Variants in THSD7A observed in about 807,000 individuals in gnomAD.
The protein encoded by THSD7A is thrombospondin type 1 domain containing 7A, also known as thrombospondin type-1 domain-containing protein 7A.
THSD7A carries 96 observed loss-of-function variants against 231.3 expected under a neutral mutation model. The ratio of observed to expected loss-of-function variants is 0.41; its 90% CI spans 0.35 to 0.49. The LOEUF (loss-of-function observed/expected upper bound fraction) is 0.49, where lower values mean the gene tolerates loss of function less well. THSD7A is among the 20% of genes least tolerant of loss of function. THSD7A has a pLI of 0.05. For missense variants in THSD7A, 2,290 were observed against 2,070.2 expected (o/e 1.11, Z -2.06); for synonymous variants, 940 against 743.3 (o/e 1.26, Z -4.30).
chr7:11,413,246 A>C (rs866883570), intron 17 of THSD7A, among the ~76,000 whole-genome samples: 1 of 152,112 alleles, frequency 6.6e-6, no homozygotes, highest in Non-Finnish European at 1.5e-5. Context: ...ACATGCATAT[A>C]AACAATTCTA....
At chr7:11,610,997 CTATT>C (rs1780903414) in intron 2 of THSD7A, among the ~76,000 whole-genome samples, 1 of 152,110 alleles carries the variant, frequency 6.6e-6, no homozygotes, top group African/African-American at 2.4e-5. Flanking sequence ...GCCAGATTCT[CTATT>C]TAAATGCCTG....
intron 6 of THSD7A, among the ~76,000 whole-genome samples, chr7:11,520,864 A>G (rs753728470): frequency 1.3e-5 from 2 of 152,208 alleles, no homozygotes; most frequent in African/African-American, 4.8e-5. Flanking sequence ...GAGAAAAAGT[A>G]AGTTTGATGA....
chr7:11,778,216 T>A (rs917175803), intron 1 of THSD7A, among the ~76,000 whole-genome samples: 6 of 149,866 alleles, frequency 4.0e-5, no homozygotes, highest in African/African-American at 1.2e-4. Context: ...ATGAACAGAT[T>A]TGGGGTGTCA....
Position 11,636,103 on chromosome 7 carries a change from T to A in THSD7A, c.1022+27A>T. On this transcript the variant is annotated intron_variant, in intron 2 of 27. Transcript: ENST00000423059. The surrounding 1 kb of genome is among the most constrained non-coding windows in gnomAD (Gnocchi z 10.0). ...TCATGATTCTTGACAGACAAGCCTG[T>A]GTAGTTAACAGTAATTAAAATGTTA... is the stretch of plus-strand genomic sequence containing the variant. 6.3e-7 allele frequency: 1 copy of A among 1,574,844 alleles called. No individual in the cohort carries two copies. The highest frequency in any genetic ancestry group is 8.7e-7 in the Non-Finnish European group (1 of 1,155,100).
chr7:11,687,803 A>G (rs1780104421), intron 1 of THSD7A, among the ~76,000 whole-genome samples: 1 of 151,786 alleles, frequency 6.6e-6, no homozygotes, highest in Non-Finnish European at 1.5e-5. Context: ...AACTAGAACC[A>G]TTATGTAGCT....
chr7:11,668,313 G>T (rs1302679801), intron 1 of THSD7A, among the ~76,000 whole-genome samples: 1 of 152,034 alleles, frequency 6.6e-6, no homozygotes, highest in Non-Finnish European at 1.5e-5. Context: ...AGCTTCTCGG[G>T]AGACTGAGGC....
chr7:11,581,620 A>G (rs1467832268), intron 4 of THSD7A, among the ~76,000 whole-genome samples: 1 of 152,056 alleles, frequency 6.6e-6, no homozygotes, highest in Non-Finnish European at 1.5e-5. Flanking sequence ...AACAATATCA[A>G]TTTGGTAACA....
chr7:11,701,179 A>AGTGTGTGT (rs34791405), intron 1 of THSD7A, among the ~76,000 whole-genome samples: 18 of 150,410 alleles, frequency 1.2e-4, no homozygotes, highest in African/African-American at 3.6e-4. Context: ...AAAAAACACA[A>AGTGTGTGT]GTGTGTGTGT....
intron 2 of THSD7A, among the ~76,000 whole-genome samples, chr7:11,598,050 T>G (rs1005228309): frequency 6.6e-6 from 1 of 152,164 alleles, no homozygotes; most frequent in African/African-American, 2.4e-5. Flanking sequence ...TAAGCCCCTT[T>G]CTAGGACACC....
chr7:11,728,975 T>C (rs992204211), intron 1 of THSD7A, among the ~76,000 whole-genome samples: 3 of 151,816 alleles, frequency 2.0e-5, no homozygotes, highest in Admixed American at 6.6e-5. Context: ...TTCTAATTTC[T>C]ACCTTAAAAA....
In THSD7A at chr7:11,435,686, G is replaced by T. The variant is rs578145665; in HGVS notation, c.3065-6561C>A. ...CCTCACCTCAGCTACCTGTCCTTTC[G>T]AGCTGGTTCTGATTTGTATCCTTTT... On this transcript the variant is annotated intron_variant, in intron 13 of 27. Coordinates refer to ENST00000423059, the MANE Select transcript of THSD7A (RefSeq NM_015204.3). Among the ~76,000 whole-genome samples the T allele has an allele frequency of 2.0e-5, 3 of 151,678 alleles. No homozygotes were observed. In the East Asian group the frequency reaches 5.8e-4, roughly 29 times the overall value.
At chr7:11,703,705 TC>T (rs974020426) in intron 1 of THSD7A, among the ~76,000 whole-genome samples, 3 of 151,312 alleles carry the variant, frequency 2.0e-5, no homozygotes, top group African/African-American at 7.3e-5. Context: ...CCTTCTCTTT[TC>T]TTTTGATTTA....
At chr7:11,685,672 T>C (rs1190957242) in intron 1 of THSD7A, among the ~76,000 whole-genome samples, 1 of 151,932 alleles carries the variant, frequency 6.6e-6, no homozygotes, top group Non-Finnish European at 1.5e-5. Flanking sequence ...CACAATGATA[T>C]ACCATCTCAT....
chr7:11,794,514 T>A (rs1210425176), intron 1 of THSD7A, among the ~76,000 whole-genome samples: 1 of 151,990 alleles, frequency 6.6e-6, no homozygotes, highest in Non-Finnish European at 1.5e-5. Flanking sequence ...CCCCTGCCTC[T>A]TTTGTATCAG....
At chr7:11,754,719 G>C (rs1782618532) in intron 1 of THSD7A, among the ~76,000 whole-genome samples, 1 of 152,158 alleles carries the variant, frequency 6.6e-6, no homozygotes, top group South Asian at 2.1e-4. Flanking sequence ...GCCATATAAT[G>C]TATTTCCTAG....
intron 1 of THSD7A, among the ~76,000 whole-genome samples, chr7:11,660,681 G>T (rs1782893762): frequency 6.6e-6 from 1 of 151,230 alleles, no homozygotes; most frequent in Non-Finnish European, 1.5e-5. Flanking sequence ...GTCTCTACCT[G>T]GTCCCATATA....
Position 11,386,826 on chromosome 7 carries a change from C to T in THSD7A, c.4412-4210G>A, listed in dbSNP as rs546168532. Among the ~76,000 whole-genome samples the T allele has an allele frequency of 1.1e-4, 16 of 152,156 alleles. No homozygotes were observed. In the South Asian group the frequency reaches 1.7e-3, roughly 16 times the overall value. On this transcript the variant is annotated intron_variant, in intron 23 of 27. Transcript: ENST00000423059. ...ATAGTATTGCCTAGGTTTTCTTCTACGGTTTTTACGGTTTTAGGTCTTGGG... is the reference window on the plus strand; with the variant it reads ...ATAGTATTGCCTAGGTTTTCTTCTATGGTTTTTACGGTTTTAGGTCTTGGG...
intron 1 of THSD7A, among the ~76,000 whole-genome samples, chr7:11,692,147 C>T (rs541790605): frequency 2.0e-5 from 3 of 151,418 alleles, no homozygotes; most frequent in Non-Finnish European, 3.0e-5. Flanking sequence ...CAACCAAAAT[C>T]TGTGAGAGTA....
intron 1 of THSD7A, among the ~76,000 whole-genome samples, chr7:11,645,417 T>A (rs2128365670): frequency 1.3e-5 from 2 of 151,968 alleles, no homozygotes; most frequent in South Asian, 2.1e-4. Flanking sequence ...TTTCATTGAG[T>A]TTTAAGGCTG....
Sources: gnomAD v4.1 joint callset for allele counts (sites outside exome capture counted in the v4.1 genomes callset) on GRCh38, gnomAD v4.1.1 for gene constraint, Gnocchi (gnomAD v3.1) non-coding constraint, MANE v1.5 for transcripts, NCBI Gene and HGNC (gene_info 2026-07-23, HGNC 2026-07-21) for gene names.